The following RUNX1 variants were observed in gnomAD, a reference collection of about 807,000 sequenced individuals.
RUNX1 encodes the protein runt-related transcription factor 1.
RUNX1 carries 19 observed loss-of-function variants against 42.8 expected under a neutral mutation model. The observed-to-expected ratio is 0.44, with a 90% CI of 0.31 to 0.65. The LOEUF is 0.65. RUNX1 is among the 30% of genes least tolerant of loss of function. The pLI is 0.07. For missense variants in RUNX1, 528 were observed against 672.0 expected, an observed-to-expected ratio of 0.79 and a Z score of 2.37; for synonymous variants, 271 against 289.4, an observed-to-expected ratio of 0.94 and a Z score of 0.64.
intron 2 of RUNX1, among the ~76,000 whole-genome samples, chr21:35,046,374 G>A (rs2059396287): frequency 6.6e-6 from 1 of 152,214 alleles, no homozygotes; most frequent in Non-Finnish European, 1.5e-5. Context: ...TTCCTTCTGT[G>A]AGAATTGCAT....
rs1398460888 is a variant in RUNX1 at position 34,998,606 on chromosome 21, G to A, written c.58+50236C>T. Among the ~76,000 whole-genome samples the A allele has an allele frequency of 4.6e-5, 7 of 151,888 alleles. No homozygotes were observed. In the East Asian group the frequency reaches 1.2e-3, roughly 25 times the overall value. Reference sequence around the variant, plus strand: ...ACCCAGGCTGTAGTGTAGTGGCCCAGTCTCGGCTCACTGCAAGCTCCGCCT... The same window carrying A: ...ACCCAGGCTGTAGTGTAGTGGCCCAATCTCGGCTCACTGCAAGCTCCGCCT... On this transcript the variant is annotated intron_variant, in intron 2 of 8. Coordinates refer to ENST00000675419, the MANE Select transcript of RUNX1 (RefSeq NM_001754.5).
intron 2 of RUNX1, among the ~76,000 whole-genome samples, chr21:35,023,564 T>A (rs2059214730): frequency 6.6e-6 from 1 of 152,188 alleles, no homozygotes; most frequent in African/African-American, 2.4e-5. Context: ...TGGTTCAAGT[T>A]GACCTGCGGG....
chr21:34,955,994 C>T (rs1477682579), intron 2 of RUNX1, among the ~76,000 whole-genome samples: 2 of 152,014 alleles, frequency 1.3e-5, no homozygotes, highest in African/African-American at 4.8e-5. Flanking sequence ...CATATGCAAG[C>T]AAAAGTATAA....
chr21:35,020,125 G>A (rs2059187936), intron 2 of RUNX1, among the ~76,000 whole-genome samples: 3 of 152,038 alleles, frequency 2.0e-5, no homozygotes, highest in Middle Eastern at 6.8e-3. Flanking sequence ...AACTGAAAAA[G>A]TATTATTTTC....
chr21:35,027,766 C>T (rs1395173197), intron 2 of RUNX1, among the ~76,000 whole-genome samples: 89 of 152,160 alleles, frequency 5.8e-4, no homozygotes, highest in Non-Finnish European at 4.4e-5. Flanking sequence ...AGGTTCTTTC[C>T]TATCAATGAA....
At chr21:34,924,585 A>G (rs982144273) in intron 2 of RUNX1, among the ~76,000 whole-genome samples, 10 of 152,172 alleles carry the variant, frequency 6.6e-5, no homozygotes, top group Admixed American at 3.9e-4. Flanking sequence ...GGAGACTCCT[A>G]TGCGGTTTAG....
In RUNX1 at chr21:34,878,376, TAC is replaced by T. The variant is rs909686489; in HGVS notation, c.508+2179_508+2180del. 3.4e-4 allele frequency among the ~76,000 whole-genome samples: 50 copies of T among 147,906 alleles called. No homozygotes were observed. In the South Asian group the frequency reaches 9.3e-3, roughly 28 times the overall value. On this transcript the variant is annotated intron_variant, in intron 5 of 8. Coordinates refer to ENST00000675419, the MANE Select transcript of RUNX1 (RefSeq NM_001754.5). ...AAAAAAAAAAATATATATATATATA[TAC>T]ACACACACATATATATATACATCTC...
rs192121022 is a variant in RUNX1 at position 34,979,271 on chromosome 21, G to A, written c.58+69571C>T. On this transcript the variant is annotated intron_variant, in intron 2 of 8. Transcript: ENST00000675419. ...ATATGCTCCAAGATATGCCTCAAGCGTTATATGCTATACATCCTCATAAGT... is the reference window on the plus strand; with the variant it reads ...ATATGCTCCAAGATATGCCTCAAGCATTATATGCTATACATCCTCATAAGT... 5.3e-5 allele frequency among the ~76,000 whole-genome samples: 8 copies of A among 151,818 alleles called. No homozygotes were observed. The East Asian group carries it at 5.8e-4, about 11-fold the overall frequency.
intron 5 of RUNX1, among the ~76,000 whole-genome samples, chr21:34,866,596 T>C (rs1341359637): frequency 6.6e-6 from 1 of 152,234 alleles, no homozygotes; most frequent in Non-Finnish European, 1.5e-5. Flanking sequence ...AATTCATGCT[T>C]ATGCTCCTCT....
intron 2 of RUNX1, among the ~76,000 whole-genome samples, chr21:34,898,079 C>T (rs187999873): frequency 5.9e-5 from 9 of 152,174 alleles, no homozygotes; most frequent in East Asian, 3.9e-4. Flanking sequence ...CTCTAGATGC[C>T]GAGGGTGACC....
At chr21:34,794,796 A>AG (rs1273522394) in intron 8 of RUNX1, among the ~76,000 whole-genome samples, 1 of 152,122 alleles carries the variant, frequency 6.6e-6, no homozygotes, top group East Asian at 1.9e-4. Context: ...GCTGGGGTGG[A>AG]GGGGGCTGTC....
chr21:35,032,444 G>A (rs1391838927), intron 2 of RUNX1, among the ~76,000 whole-genome samples: 1 of 152,236 alleles, frequency 6.6e-6, no homozygotes, highest in Non-Finnish European at 1.5e-5. Flanking sequence ...AAGTGGAAAA[G>A]AGGGCATCCT....
chr21:34,834,028 T>A (rs1380312600), intron 7 of RUNX1: 1 of 398,144 alleles, frequency 2.5e-6, no homozygotes, highest in Admixed American at 3.4e-5. Context: ...CGTGTGTGTG[T>A]GTGTGTGTCT....
intron 2 of RUNX1, among the ~76,000 whole-genome samples, chr21:34,979,742 A>G (rs539615445): frequency 2.4e-4 from 37 of 152,344 alleles, no homozygotes; most frequent in South Asian, 4.1e-4. Flanking sequence ...AGTGCATTAG[A>G]TAGCACTCTG....
At chr21:34,894,565 A>G (rs187722295) in intron 2 of RUNX1, among the ~76,000 whole-genome samples, 1 of 152,120 alleles carries the variant, frequency 6.6e-6, no homozygotes. Flanking sequence ...TGATTTGCCC[A>G]TGAAACTGTT....
intron 2 of RUNX1, among the ~76,000 whole-genome samples, chr21:34,955,015 G>A (rs1404342749): frequency 1.3e-5 from 2 of 152,124 alleles, no homozygotes; most frequent in Non-Finnish European, 1.5e-5. Context: ...TCCTGGGTGA[G>A]TTTGGGCAAG....
chr21:34,828,211 G>A (rs1196339216), intron 7 of RUNX1, among the ~76,000 whole-genome samples: 2 of 152,224 alleles, frequency 1.3e-5, no homozygotes, highest in African/African-American at 4.8e-5. Flanking sequence ...GGAGTCAAAG[G>A]AGATTATTCT....
At chr21:35,038,430 C>T in intron 2 of RUNX1, 1 of 431,864 alleles carries the variant, frequency 2.3e-6, no homozygotes, top group Non-Finnish European at 4.6e-6. Context: ...AAATAAAGGT[C>T]TGTAGAGAGA....
chr21:34,796,153 T>C (rs1247379522), intron 8 of RUNX1, among the ~76,000 whole-genome samples: 1 of 152,184 alleles, frequency 6.6e-6, no homozygotes, highest in East Asian at 1.9e-4. Context: ...TCTCAGCTGT[T>C]GGGGGAAAAT....
Sources: allele counts gnomAD v4.1 joint callset (sites outside exome capture counted in the v4.1 genomes callset), GRCh38; gene constraint gnomAD v4.1.1; transcripts MANE v1.5; gene names NCBI Gene and HGNC (gene_info 2026-07-23, HGNC 2026-07-21).